The following LHFPL3 variants were observed in gnomAD, a reference collection of about 807,000 sequenced individuals.
LHFPL3 encodes LHFPL tetraspan subfamily member 3 protein.
In LHFPL3, 5 loss-of-function variants were observed where a neutral mutation model predicts 19.3. The observed-to-expected ratio is 0.26, with a 90% CI of 0.14 to 0.54. The LOEUF is 0.54. Ranked by LOEUF, LHFPL3 falls within the 20% of genes least tolerant of loss-of-function variation. LHFPL3 has a pLI of 0.94. For missense variants in LHFPL3, 249 were observed against 307.4 expected, an observed-to-expected ratio of 0.81 and a Z score of 1.42; for synonymous variants, 133 against 126.2, an observed-to-expected ratio of 1.05 and a Z score of -0.36.
intron 1 of LHFPL3, among the ~76,000 whole-genome samples, chr7:104,726,194 A>G (rs1435316846): frequency 6.6e-6 from 1 of 151,984 alleles, no homozygotes; most frequent in Non-Finnish European, 1.5e-5. Flanking sequence ...ACCTCCATGA[A>G]CCTTATTTTA....
At chr7:104,438,995 T>C (rs10085912) in intron 1 of LHFPL3, among the ~76,000 whole-genome samples, 30,981 of 152,114 alleles carry the variant, frequency 0.2, 3,602 homozygotes, top group Admixed American at 0.33. Flanking sequence ...TTAGATGAAA[T>C]TGACAATTTT....
chr7:104,628,028 G>C (rs1043248103), intron 1 of LHFPL3, among the ~76,000 whole-genome samples: 5 of 152,140 alleles, frequency 3.3e-5, no homozygotes, highest in Non-Finnish European at 7.4e-5. Context: ...TGTGATAAAT[G>C]TATGGCTCTT....
At chr7:104,405,550 A>G (rs1562887678) in intron 1 of LHFPL3, among the ~76,000 whole-genome samples, 1 of 152,202 alleles carries the variant, frequency 6.6e-6, no homozygotes, top group Non-Finnish European at 1.5e-5. Flanking sequence ...CTCTTATGAA[A>G]TAAGTACTAC....
chr7:104,864,937 C>T (rs942936163), intron 2 of LHFPL3, among the ~76,000 whole-genome samples: 80 of 152,328 alleles, frequency 5.3e-4, no homozygotes, highest in African/African-American at 1.9e-3. Flanking sequence ...TGTTCTGCAG[C>T]CTCCACTGCT....
chr7:104,602,023 T>TTC (rs1168434201), intron 1 of LHFPL3, among the ~76,000 whole-genome samples: 48 of 132,956 alleles, frequency 3.6e-4, no homozygotes, highest in Admixed American at 1.1e-3. Context: ...TTCTTTTCTT[T>TTC]TTTTTTTTTT....
intron 1 of LHFPL3, among the ~76,000 whole-genome samples, chr7:104,394,401 A>T (rs1261499274): frequency 6.6e-6 from 1 of 152,212 alleles, no homozygotes; most frequent in Non-Finnish European, 1.5e-5. Context: ...AATTTTAATT[A>T]TCTTTTGTAT....
intron 1 of LHFPL3, among the ~76,000 whole-genome samples, chr7:104,356,400 G>T (rs74319687): frequency 0.065 from 9,872 of 152,186 alleles, 366 homozygotes; most frequent in Middle Eastern, 0.088. Flanking sequence ...ATAATCAAGG[G>T]CATGGAAAGA....
intron 1 of LHFPL3, among the ~76,000 whole-genome samples, chr7:104,371,458 G>T (rs1293638176): frequency 6.6e-6 from 1 of 152,138 alleles, no homozygotes; most frequent in African/African-American, 2.4e-5. Flanking sequence ...CCATGATTCT[G>T]TGGTTTGTTT....
At chr7:104,586,451 CT>C (rs1284092818) in intron 1 of LHFPL3, among the ~76,000 whole-genome samples, 1 of 151,968 alleles carries the variant, frequency 6.6e-6, no homozygotes, top group African/African-American at 2.4e-5. Flanking sequence ...GTAACATAGT[CT>C]ATGAAGTATT....
intron 2 of LHFPL3, among the ~76,000 whole-genome samples, chr7:104,886,628 G>T (rs925275445): frequency 2.0e-5 from 3 of 152,208 alleles, no homozygotes; most frequent in African/African-American, 7.2e-5. Flanking sequence ...GCCTCCCAAA[G>T]TGCTGGGATT....
At chr7:104,852,112 C>T (rs1791424586) in intron 2 of LHFPL3, among the ~76,000 whole-genome samples, 1 of 152,078 alleles carries the variant, frequency 6.6e-6, no homozygotes, top group African/African-American at 2.4e-5. Context: ...CTCACACACA[C>T]CCCAAAGAGC....
chr7:104,355,767 C>T (rs919541063), intron 1 of LHFPL3, among the ~76,000 whole-genome samples: 3 of 152,112 alleles, frequency 2.0e-5, no homozygotes, highest in Non-Finnish European at 2.9e-5. Context: ...AAAATTGGAC[C>T]GGGACCTGAA....
At chr7:104,449,606 T>C (rs1792393966) in intron 1 of LHFPL3, among the ~76,000 whole-genome samples, 1 of 152,216 alleles carries the variant, frequency 6.6e-6, no homozygotes, top group Non-Finnish European at 1.5e-5. Flanking sequence ...TATGAATTAA[T>C]AGTGGCTTAT....
Position 104,424,983 on chromosome 7 carries a change from T to TAAAAAAAA in LHFPL3, c.445+95774_445+95781dup, listed in dbSNP as rs71153196. Among the ~76,000 whole-genome samples, 305 of 65,134 alleles carry TAAAAAAAA rather than the reference T, an allele frequency of 4.7e-3. 11 individuals carry two copies. Among genetic ancestry groups the TAAAAAAAA allele is most frequent in the Admixed American group, 8.4e-3 (38 of 4,528 alleles). 42.7% of individuals were successfully genotyped at this position (65,134 alleles called of 152,430 possible). On this transcript the variant is annotated intron_variant, in intron 1 of 2. Transcript: ENST00000424859. ...GGCGACAGAGTGAGACTCCATCTCA[T>TAAAAAAAA]AAAAAAAAAAAAAAAAAAAAAAGAA...
chr7:104,396,306 G>A (rs73179922), intron 1 of LHFPL3, among the ~76,000 whole-genome samples: 10,966 of 152,194 alleles, frequency 0.072, 442 homozygotes, highest in East Asian at 0.16. Flanking sequence ...GCAGGAAGGA[G>A]GTCAAAAGGT....
chr7:104,609,367 A>G (rs1480708567), intron 1 of LHFPL3, among the ~76,000 whole-genome samples: 1 of 152,254 alleles, frequency 6.6e-6, no homozygotes, highest in African/African-American at 2.4e-5. Flanking sequence ...TATTAATGTA[A>G]GCAACTACCC....
intron 1 of LHFPL3, among the ~76,000 whole-genome samples, chr7:104,532,318 CTTTTTTTTTT>C (rs71155504): frequency 2.3e-5 from 2 of 87,230 alleles, no homozygotes; most frequent in Non-Finnish European, 4.1e-5. Context: ...TTCTTTCTGT[CTTTTTTTTTT>C]TTTTTTTTTT....
intron 2 of LHFPL3, among the ~76,000 whole-genome samples, chr7:104,896,730 G>A (rs1196884135): frequency 6.6e-6 from 1 of 152,182 alleles, no homozygotes; most frequent in African/African-American, 2.4e-5. Context: ...AGAGGCCACA[G>A]GAGGCCTCAT....
chr7:104,800,680 C>G (rs1433205367), intron 2 of LHFPL3, among the ~76,000 whole-genome samples: 2 of 152,124 alleles, frequency 1.3e-5, no homozygotes, highest in Non-Finnish European at 2.9e-5. Flanking sequence ...CATCATCTAC[C>G]CACCCACCCA....
Sources: allele counts gnomAD v4.1 joint callset (sites outside exome capture counted in the v4.1 genomes callset), GRCh38; gene constraint gnomAD v4.1.1; transcripts MANE v1.5; gene names NCBI Gene and HGNC (gene_info 2026-07-23, HGNC 2026-07-21).